The following CHSY3 variants were observed in gnomAD, a reference collection of about 807,000 sequenced individuals.
CHSY3 encodes chondroitin sulfate synthase 3.
In CHSY3, 35 loss-of-function variants were observed where a neutral mutation model predicts 67.2. The ratio of observed to expected loss-of-function variants is 0.52; its 90% confidence interval spans 0.40 to 0.69. CHSY3 has a LOEUF of 0.69. CHSY3 is among the 30% of genes least tolerant of loss of function. CHSY3 has a pLI of 0.00. For synonymous variants in CHSY3, 474 were observed against 434.7 expected, an observed-to-expected ratio of 1.09 and a Z score of -1.12; for missense variants, 1,069 against 1,138.5, an observed-to-expected ratio of 0.94 and a Z score of 0.88.
At chr5:129,994,114 A>G (rs1763456619) in intron 2 of CHSY3, among the ~76,000 whole-genome samples, 1 of 152,132 alleles carries the variant, frequency 6.6e-6, no homozygotes, top group African/African-American at 2.4e-5. Context: ...CTTGTGGGTA[A>G]CCCGACCTTT....
At chr5:130,081,458 G>C (rs940700484) in intron 2 of CHSY3, among the ~76,000 whole-genome samples, 2 of 151,960 alleles carry the variant, frequency 1.3e-5, no homozygotes, top group African/African-American at 2.4e-5. Flanking sequence ...CATACCCCAT[G>C]AACATAGTGT....
intron 2 of CHSY3, among the ~76,000 whole-genome samples, chr5:130,050,566 G>A (rs1765311024): frequency 6.6e-6 from 1 of 152,064 alleles, no homozygotes; most frequent in African/African-American, 2.4e-5. Flanking sequence ...ACTCTCTATG[G>A]AAGATTTAGT....
chr5:130,104,424 A>G (rs1252675691), intron 2 of CHSY3, among the ~76,000 whole-genome samples: 1 of 151,848 alleles, frequency 6.6e-6, no homozygotes. Flanking sequence ...CATCACGGTA[A>G]TGTGCTTTTG....
At chr5:129,941,922 AC>A (rs1384783881) in intron 2 of CHSY3, among the ~76,000 whole-genome samples, 1 of 152,166 alleles carries the variant, frequency 6.6e-6, no homozygotes, top group Non-Finnish European at 1.5e-5. Flanking sequence ...AGAATCGCTC[AC>A]AGAACTCAGG....
chr5:130,014,790 A>C (rs1419614057), intron 2 of CHSY3, among the ~76,000 whole-genome samples: 1 of 152,182 alleles, frequency 6.6e-6, no homozygotes, highest in Non-Finnish European at 1.5e-5. Flanking sequence ...TCTGAACATC[A>C]GCCCCAGCAA....
chr5:130,126,441 T>G (rs1463096278), intron 2 of CHSY3, among the ~76,000 whole-genome samples: 1 of 152,180 alleles, frequency 6.6e-6, no homozygotes, highest in Non-Finnish European at 1.5e-5. Flanking sequence ...CTCATGGTAT[T>G]AGGTGGAACT....
intron 2 of CHSY3, among the ~76,000 whole-genome samples, chr5:130,150,087 T>G (rs1014594457): frequency 1.3e-5 from 2 of 152,204 alleles, no homozygotes; most frequent in African/African-American, 2.4e-5. Flanking sequence ...ATTTTCCAAA[T>G]TTTGTAAAGT....
chr5:130,074,966 C>G (rs1766203503), intron 2 of CHSY3, among the ~76,000 whole-genome samples: 1 of 152,116 alleles, frequency 6.6e-6, no homozygotes, highest in African/African-American at 2.4e-5. Context: ...GTATTTAGTT[C>G]TGTCATCTGT....
chr5:129,928,465 A>C (rs1300101381), intron 2 of CHSY3, among the ~76,000 whole-genome samples: 1 of 152,000 alleles, frequency 6.6e-6, no homozygotes, highest in Non-Finnish European at 1.5e-5. Context: ...TTACAGTTGA[A>C]GTAAATTTAG....
At chr5:130,128,328 A>G (rs1768364989) in intron 2 of CHSY3, among the ~76,000 whole-genome samples, 1 of 151,960 alleles carries the variant, frequency 6.6e-6, no homozygotes, top group African/African-American at 2.4e-5. Flanking sequence ...GTAAATAATG[A>G]ATAGTATACA....
chr5:130,031,300 A>AT (rs1472793788), intron 2 of CHSY3, among the ~76,000 whole-genome samples: 1 of 152,126 alleles, frequency 6.6e-6, no homozygotes, highest in African/African-American at 2.4e-5. Context: ...GTCTTTATTC[A>AT]TCCAAGATAT....
chr5:129,935,178 G>C (rs966817495), intron 2 of CHSY3, among the ~76,000 whole-genome samples: 1 of 152,094 alleles, frequency 6.6e-6, no homozygotes, highest in Non-Finnish European at 1.5e-5. Flanking sequence ...ATTTTATTTT[G>C]TTTTGAGCAG....
intron 2 of CHSY3, among the ~76,000 whole-genome samples, chr5:129,927,356 A>G (rs1335452870): frequency 6.6e-6 from 1 of 152,008 alleles, no homozygotes; most frequent in Non-Finnish European, 1.5e-5. Context: ...AACTTTTGAC[A>G]TTTGTAACAA....
intron 2 of CHSY3, among the ~76,000 whole-genome samples, chr5:129,941,973 G>C (rs557634607): frequency 6.6e-6 from 1 of 152,192 alleles, no homozygotes; most frequent in Non-Finnish European, 1.5e-5. Flanking sequence ...ACACTGCAAA[G>C]GATACAGATA....
intron 2 of CHSY3, among the ~76,000 whole-genome samples, chr5:130,000,207 C>T (rs1763679587): frequency 6.6e-6 from 1 of 152,186 alleles, no homozygotes; most frequent in Non-Finnish European, 1.5e-5. Context: ...ACATGCTAAG[C>T]ATGCTTTTCC....
chr5:130,107,205 C>T (rs1293231578), intron 2 of CHSY3, among the ~76,000 whole-genome samples: 2 of 151,252 alleles, frequency 1.3e-5, no homozygotes, highest in African/African-American at 4.8e-5. Flanking sequence ...AGCCTTCATT[C>T]TTTACTCTTC....
chr5:129,924,911 T>C (rs1761051422), intron 2 of CHSY3, among the ~76,000 whole-genome samples: 1 of 152,172 alleles, frequency 6.6e-6, no homozygotes, highest in Non-Finnish European at 1.5e-5. Flanking sequence ...ATAATGATTA[T>C]CCCTCTTTAA....
intron 2 of CHSY3, among the ~76,000 whole-genome samples, chr5:129,923,690 T>C (rs1169816072): frequency 6.6e-6 from 1 of 152,086 alleles, no homozygotes; most frequent in Non-Finnish European, 1.5e-5. Flanking sequence ...GGAAACACAA[T>C]TGGCAGATCA....
intron 2 of CHSY3, among the ~76,000 whole-genome samples, chr5:130,052,772 G>A (rs565047740): frequency 2.0e-4 from 30 of 152,112 alleles, no homozygotes; most frequent in East Asian, 1.2e-3. Flanking sequence ...ATCCACAGGC[G>A]TTAATTTATC....
Sources: gnomAD v4.1 joint callset for allele counts (sites outside exome capture counted in the v4.1 genomes callset) on GRCh38, gnomAD v4.1.1 for gene constraint, MANE v1.5 for transcripts, NCBI Gene and HGNC (gene_info 2026-07-23, HGNC 2026-07-21) for gene names.